FBXW8: variants seen among roughly 807,000 people sequenced by gnomAD.
FBXW8 encodes F-box/WD repeat-containing protein 8.
FBXW8 carries 57 observed loss-of-function variants against 65.3 expected under a neutral mutation model. The ratio of observed to expected loss-of-function variants is 0.87; its 90% CI spans 0.71 to 1.09. The LOEUF is 1.09. FBXW8 is among the 50% of genes least tolerant of loss of function. FBXW8 has a pLI of 0.00. For missense variants in FBXW8, 777 were observed against 814.8 expected (o/e 0.95, Z 0.57); for synonymous variants, 308 against 330.2 (o/e 0.93, Z 0.73).
chr12:116,916,264 C>G (rs1474732283), intron 1 of FBXW8, among the ~76,000 whole-genome samples: 2 of 152,152 alleles, frequency 1.3e-5, no homozygotes, highest in African/African-American at 4.8e-5. Context: ...ATAGATTAGC[C>G]TTGGTAGATA....
At chr12:116,970,616 T>C (rs1203655177) in intron 5 of FBXW8, among the ~76,000 whole-genome samples, 2 of 152,240 alleles carry the variant, frequency 1.3e-5, no homozygotes, top group African/African-American at 4.8e-5. Flanking sequence ...TAGTAAAAAA[T>C]AGTTCTTCAG....
At chr12:117,003,773 TC>T (rs1953602197) in intron 7 of FBXW8, among the ~76,000 whole-genome samples, 1 of 152,254 alleles carries the variant, frequency 6.6e-6, no homozygotes, top group Non-Finnish European at 1.5e-5. Context: ...GGTTTTGCCT[TC>T]CACTGACACT....
At position 116,910,971 on chromosome 12, in the gene FBXW8, CT is replaced by C. The variant is rs1277418256; in HGVS notation, c.-66del. 3 of 1,287,018 alleles carry C rather than the reference CT, an allele frequency of 2.3e-6. No individual in the cohort carries two copies. The African/African-American group carries it at 4.7e-5, about 20-fold the overall frequency. 79.7% of individuals were successfully genotyped at this position (1,287,018 alleles called of 1,614,324 possible). On this transcript the variant is annotated 5_prime_UTR_variant, in exon 1 of 11. Coordinates refer to ENST00000652555, the MANE Select transcript of FBXW8 (RefSeq NM_153348.3). ...GCTTCCGGCCGCGGCGGACACTTCC[CT>C]GGGCGGGACTGTCTCGTGGCACCCG... is the stretch of plus-strand genomic sequence containing the variant.
At chr12:117,027,554 T>TATAGAA (rs1266139926) in intron 10 of FBXW8, 50 bp downstream of exon 10, 1 of 1,405,260 alleles carries the variant, frequency 7.1e-7, no homozygotes, top group Admixed American at 1.8e-5. Flanking sequence ...TTGACTGATG[T>TATAGAA]ATAGAACCCC....
chr12:116,997,371 A>G (rs950314314), intron 7 of FBXW8, among the ~76,000 whole-genome samples: 10 of 152,228 alleles, frequency 6.6e-5, no homozygotes, highest in Non-Finnish European at 1.2e-4. Context: ...AATATAGGGG[A>G]AAGTTCCTTT....
At chr12:116,988,943 A>G (rs1953170599) in intron 7 of FBXW8, 74 bp downstream of exon 7, 3 of 1,394,366 alleles carry the variant, frequency 2.2e-6, no homozygotes, top group East Asian at 2.5e-5. Flanking sequence ...TTGAAAAATT[A>G]AAGCTCTTCA....
At chr12:117,001,361 C>T (rs1052306281) in intron 7 of FBXW8, among the ~76,000 whole-genome samples, 3 of 152,152 alleles carry the variant, frequency 2.0e-5, no homozygotes, top group African/African-American at 7.2e-5. Context: ...CTGCCCTCTT[C>T]TAGAAGCTTT....
chr12:117,007,552 C>T (rs554906774), intron 7 of FBXW8, among the ~76,000 whole-genome samples: 3 of 152,300 alleles, frequency 2.0e-5, no homozygotes, highest in South Asian at 4.1e-4. Context: ...AAGGAACCAT[C>T]CTCAACATCA....
At chr12:117,019,636 G>A (rs534994379) in intron 8 of FBXW8, among the ~76,000 whole-genome samples, 25 of 152,036 alleles carry the variant, frequency 1.6e-4, no homozygotes, top group Non-Finnish European at 2.6e-4. Context: ...TTATGAAACC[G>A]AACATATGTA....
intron 1 of FBXW8, among the ~76,000 whole-genome samples, chr12:116,923,964 C>G (rs982034615): frequency 1.3e-5 from 2 of 152,318 alleles, no homozygotes; most frequent in Admixed American, 1.3e-4. Flanking sequence ...CCGCCTGCCT[C>G]GGCCTCCCAA....
chr12:116,915,246 C>G (rs1055046835), intron 1 of FBXW8, among the ~76,000 whole-genome samples: 1 of 152,246 alleles, frequency 6.6e-6, no homozygotes, highest in Admixed American at 6.5e-5. Context: ...GGTCTTTTCT[C>G]CCAGCTCATC....
At chr12:116,940,037 A>T (rs1323550133) in intron 2 of FBXW8, among the ~76,000 whole-genome samples, 3 of 152,202 alleles carry the variant, frequency 2.0e-5, no homozygotes, top group Non-Finnish European at 4.4e-5. Flanking sequence ...CCCGTTCTTT[A>T]TTGCCTGACC....
chr12:117,011,215 C>T (rs993584431), intron 8 of FBXW8, among the ~76,000 whole-genome samples: 4 of 143,354 alleles, frequency 2.8e-5, no homozygotes, highest in South Asian at 2.2e-4. Flanking sequence ...GGGCTGCTGG[C>T]GCCCCCTCCC....
intron 8 of FBXW8, among the ~76,000 whole-genome samples, chr12:117,015,525 G>A (rs1176546446): frequency 2.0e-5 from 3 of 152,020 alleles, no homozygotes; most frequent in Admixed American, 6.6e-5. Context: ...CATTTTCACC[G>A]TGCAACTGGG....
chr12:117,016,703 C>T (rs1220478341), intron 8 of FBXW8, among the ~76,000 whole-genome samples: 1 of 149,838 alleles, frequency 6.7e-6, no homozygotes. Flanking sequence ...GAAACCATTT[C>T]CTAACCCAGG....
chr12:116,911,256 G>C lies in FBXW8; in HGVS notation c.219G>C (p.Arg73=). 1 of 1,246,006 alleles carries C rather than the reference G, an allele frequency of 8.0e-7. No individual in the cohort carries two copies. The highest frequency in any genetic ancestry group is 1.0e-6 in the Non-Finnish European group (1 of 997,916). The allele number at this position is 1,246,006 out of a possible 1,614,324, so 77.2% of individuals were successfully genotyped here. Residue 73 remains arginine (R), a synonymous_variant, in exon 1 of 11, where the codon CGG becomes CGC. Coordinates refer to ENST00000652555, the MANE Select transcript of FBXW8 (RefSeq NM_153348.3). ...AGRPPAARAT[R]AEGQDVASRS... is the part of the protein sequence containing the mutation. ...GGCCCCCGGCGGCGCGGGCGACTCG[G>C]GCCGAGGGGCAGGACGTAGCGAGCC...
intron 1 of FBXW8, among the ~76,000 whole-genome samples, chr12:116,911,881 A>T (rs941698769): frequency 6.6e-6 from 1 of 152,188 alleles, no homozygotes; most frequent in African/African-American, 2.4e-5. Flanking sequence ...AAATTATCTC[A>T]GAAAAAAAGG....
rs774930316 is a variant in FBXW8 at position 116,911,066 on chromosome 12, G to A, written c.29G>A (p.Arg10His). The A allele has an allele frequency of 1.4e-4, 200 of 1,454,030 alleles. No homozygotes were observed. The highest frequency in any genetic ancestry group is 1.8e-4 in the Non-Finnish European group (195 of 1,111,312). The allele number at this position is 1,454,030 out of a possible 1,614,324, so 90.1% of individuals were successfully genotyped here. Residue 10 changes from arginine (R) to histidine (H), a missense_variant, in exon 1 of 11, where the codon CGT becomes CAT. Transcript: ENST00000652555. Reference protein sequence around the residue: MDDYSLDEFRRRWQEELAQA... With the variant: MDDYSLDEFHRRWQEELAQA... ...GACGACTACAGCCTGGATGAGTTCC[G>A]TCGGCGCTGGCAGGAGGAGCTGGCG...
At chr12:117,009,247 G>A (rs1253258313) in intron 7 of FBXW8, among the ~76,000 whole-genome samples, 1 of 152,052 alleles carries the variant, frequency 6.6e-6, no homozygotes, top group Non-Finnish European at 1.5e-5. Context: ...GATATCATCA[G>A]CAGGCCGTGG....
Sources: gnomAD v4.1 joint callset for allele counts (sites outside exome capture counted in the v4.1 genomes callset) on GRCh38, gnomAD v4.1.1 for gene constraint, MANE v1.5 for transcripts, NCBI Gene and HGNC (gene_info 2026-07-23, HGNC 2026-07-21) for gene names.